Variants in COL4A5 observed in about 807,000 individuals in gnomAD.
COL4A5 encodes collagen alpha-5(IV) chain.
In COL4A5, 26 loss-of-function variants were observed where a neutral mutation model predicts 130.2. That is an observed-to-expected ratio of 0.20 (90% CI 0.15 to 0.28). The LOEUF (loss-of-function observed/expected upper bound fraction) is 0.28. Among genes scored for constraint, COL4A5 ranks in the 10% least tolerant of loss-of-function variants. The pLI is 1.00. For synonymous variants in COL4A5, 496 were observed against 439.6 expected (o/e 1.13, Z -1.60); for missense variants, 1,131 against 1,344.3 (o/e 0.84, Z 2.48).
At position 108,661,058 on chromosome X, in the gene COL4A5, G is replaced by A. The variant is rs2067948504; in HGVS notation, c.3374-4449G>A. 2.7e-5 allele frequency among the ~76,000 whole-genome samples: 3 copies of A among 112,089 alleles called. No homozygotes were observed. In the South Asian group the frequency reaches 1.1e-3, roughly 41 times the overall value. Reference sequence around the variant, plus strand: ...CAGTTACATGCTATGTAGGTTTGTAGCTTGGGAGCAATAGGCTCTGCTATA... The same window carrying A: ...CAGTTACATGCTATGTAGGTTTGTAACTTGGGAGCAATAGGCTCTGCTATA... On this transcript the variant is annotated intron_variant, in intron 37 of 52. Coordinates refer to ENST00000328300, the MANE Select transcript of COL4A5 (RefSeq NM_033380.3).
rs1353480777 is a variant in COL4A5 at position 108,666,594 on chromosome X, G to A, written c.3553G>A (p.Gly1185Ser). The A allele has an allele frequency of 8.4e-7, 1 of 1,192,356 alleles. No homozygotes were observed. Among genetic ancestry groups the A allele is most frequent in the Non-Finnish European group, 1.1e-6 (1 of 882,445 alleles). Residue 1185 changes from glycine (G) to serine (S), a missense_variant and splice_region_variant, in exon 39 of 53, where the codon GGT becomes AGT. Physicochemically the swap from Gly to Ser is moderately conservative, Grantham distance 56 (BLOSUM62 0). Transcript: ENST00000328300. ...PGPAGQKGEPGQPGFGNPGPP... is the reference protein window; with the variant it reads ...PGPAGQKGEPSQPGFGNPGPP... Reference sequence around the variant, plus strand: ...ACCAGCTGGACAGAAGGGTGAACCAGGTGCTGTAGTTTTTCATTTTTCCTA... The same window carrying A: ...ACCAGCTGGACAGAAGGGTGAACCAAGTGCTGTAGTTTTTCATTTTTCCTA...
At chrX:108,644,492 A>G (rs2067533549) in intron 36 of COL4A5, among the ~76,000 whole-genome samples, 1 of 112,482 alleles carries the variant, frequency 8.9e-6, no homozygotes, top group Admixed American at 9.4e-5. Flanking sequence ...AGGCCATAAA[A>G]GAAGCCTCAA....
At chrX:108,441,449 A>G (rs1443665744) in intron 1 of COL4A5, among the ~76,000 whole-genome samples, 4 of 111,874 alleles carry the variant, frequency 3.6e-5, no homozygotes, top group Non-Finnish European at 5.6e-5. Context: ...TCCTCTTTCT[A>G]TCCTTCTGAA....
intron 1 of COL4A5, among the ~76,000 whole-genome samples, chrX:108,458,752 G>A (rs749544166): frequency 9.0e-6 from 1 of 111,653 alleles, no homozygotes; most frequent in Non-Finnish European, 1.9e-5. Flanking sequence ...AGGCCGAGGC[G>A]GGTGGATCAC....
intron 1 of COL4A5, among the ~76,000 whole-genome samples, chrX:108,452,510 G>T (rs1044661796): frequency 1.8e-5 from 2 of 111,677 alleles, no homozygotes; most frequent in African/African-American, 6.5e-5. Flanking sequence ...TTGAGCAGTG[G>T]TTTGTAGTTC....
chrX:108,622,918 C>T (rs1357368029), intron 33 of COL4A5, 93 bp downstream of exon 33: 2 of 895,110 alleles, frequency 2.2e-6, no homozygotes, highest in Non-Finnish European at 3.1e-6. Flanking sequence ...ATACAGAATT[C>T]ACCAACAAAG....
At chrX:108,550,503 C>T (rs2147699065) in intron 2 of COL4A5, among the ~76,000 whole-genome samples, 1 of 111,789 alleles carries the variant, frequency 8.9e-6, no homozygotes, top group Admixed American at 9.5e-5. Flanking sequence ...ATATCCATTT[C>T]TAATAAAAAT....
intron 44 of COL4A5, among the ~76,000 whole-genome samples, chrX:108,677,868 A>G (rs1159079341): frequency 1.8e-5 from 2 of 112,097 alleles, no homozygotes; most frequent in Non-Finnish European, 3.8e-5. Context: ...TTTGGTATGC[A>G]TATTTGGATT....
Position 108,545,904 on chromosome X carries a change from T to C in COL4A5, c.141+6099T>C, listed in dbSNP as rs779284529. On this transcript the variant is annotated intron_variant, in intron 2 of 52. Coordinates refer to ENST00000328300, the MANE Select transcript of COL4A5 (RefSeq NM_033380.3). ...TTTTGATCTTTGTTGGTTTAAAGTGTGTTTTATCAGAGACTAGGATTGCAA... is the reference window on the plus strand; with the variant it reads ...TTTTGATCTTTGTTGGTTTAAAGTGCGTTTTATCAGAGACTAGGATTGCAA... Among the ~76,000 whole-genome samples the C allele has an allele frequency of 9.0e-5, 10 of 111,462 alleles. No individual in the cohort carries two copies. The East Asian group carries it at 2.8e-3, about 31-fold the overall frequency.
chrX:108,615,134 C>G, intron 30 of COL4A5, 110 bp downstream of exon 30: 1 of 564,381 alleles, frequency 1.8e-6, no homozygotes, highest in South Asian at 2.5e-5. Context: ...ACTTAAAAGG[C>G]AATCTATCTA....
In COL4A5 at chrX:108,508,557, CAAA is replaced by C. The variant is rs1182036182; in HGVS notation, c.82-31167_82-31165del. Among the ~76,000 whole-genome samples the C allele has an allele frequency of 2.9e-3, 109 of 38,181 alleles. 2 individuals carry two copies. Among genetic ancestry groups the C allele is most frequent in the Middle Eastern group, 0.023 (1 of 44 alleles). The allele number at this position is 38,181 out of a possible 115,157, so 33.2% of individuals were successfully genotyped here. On this transcript the variant is annotated intron_variant, in intron 1 of 52. Transcript: ENST00000328300. ...AACTAGTTTTAAATTCATGTAGGAC[CAAA>C]AAAAAAAAAAAAAAAAAAAAAGACA...
chrX:108,575,319 A>G (rs2066127298), intron 9 of COL4A5, among the ~76,000 whole-genome samples: 1 of 111,963 alleles, frequency 8.9e-6, no homozygotes, highest in Non-Finnish European at 1.9e-5. Context: ...CATTGGTAGC[A>G]TAAAAGCCCT....
At chrX:108,625,177 T>G (rs747313551) in intron 34 of COL4A5, among the ~76,000 whole-genome samples, 4 of 112,270 alleles carry the variant, frequency 3.6e-5, no homozygotes, top group African/African-American at 1.3e-4. Flanking sequence ...CTAGGAAAAA[T>G]GTACAAACAG....
chrX:108,628,002 AT>A (rs1323719236), intron 36 of COL4A5, among the ~76,000 whole-genome samples: 3 of 110,793 alleles, frequency 2.7e-5, no homozygotes, highest in Non-Finnish European at 5.7e-5. Flanking sequence ...GTTTTCTCAT[AT>A]TTTAATTAAT....
chrX:108,486,517 A>ACT (rs1471210646), intron 1 of COL4A5, among the ~76,000 whole-genome samples: 1 of 111,185 alleles, frequency 9.0e-6, no homozygotes, highest in Non-Finnish European at 1.9e-5. Flanking sequence ...TGCACCCATC[A>ACT]CCCGAGCAGT....
chrX:108,542,551 A>G (rs1215196278), intron 2 of COL4A5, among the ~76,000 whole-genome samples: 3 of 110,903 alleles, frequency 2.7e-5, no homozygotes, highest in Non-Finnish European at 5.6e-5. Flanking sequence ...TATTGTGAAT[A>G]GTGCCGCAAT....
chrX:108,591,594 C>CT lies in COL4A5; in HGVS notation c.1373_1374insT (p.Gly460ArgfsTer5). 1 of 1,209,376 alleles carries CT rather than the reference C, an allele frequency of 8.3e-7. No individual in the cohort carries two copies. Among genetic ancestry groups the CT allele is most frequent in the Non-Finnish European group, 1.1e-6 (1 of 893,467 alleles). On this transcript the variant is annotated frameshift_variant, in exon 21 of 53. Transcript: ENST00000328300. LOFTEE classifies it high-confidence loss of function. ...ATATGTGAACCAGGCCCTCCAGGCC[C>CT]CCCAGGATCTCCAGGTGATAAAGGA...
rs187870127 is a variant in COL4A5 at position 108,692,618 on chromosome X, A to G, written c.4529-130A>G. On this transcript the variant is annotated intron_variant, in intron 49 of 52. Transcript: ENST00000328300. ...AATATGAGTAAATCTTAGACTTAAG[A>G]AATATAGTATATTTATTACCTATGA... 3 of 518,894 alleles carry G rather than the reference A, an allele frequency of 5.8e-6. No individual in the cohort carries two copies. In the East Asian group the frequency reaches 1.1e-4, roughly 19 times the overall value. 42.8% of individuals were successfully genotyped at this position (518,894 alleles called of 1,213,427 possible).
chrX:108,547,753 C>A (rs1369816595), intron 2 of COL4A5, among the ~76,000 whole-genome samples: 1 of 111,760 alleles, frequency 8.9e-6, no homozygotes, highest in East Asian at 2.8e-4. Flanking sequence ...GCGGTGGGCT[C>A]CACCCAGTTT....
Sources: gnomAD v4.1 joint callset for allele counts (sites outside exome capture counted in the v4.1 genomes callset) on GRCh38, gnomAD v4.1.1 for gene constraint, MANE v1.5 for transcripts, NCBI Gene and HGNC (gene_info 2026-07-23, HGNC 2026-07-21) for gene names.